The following LYST variants were observed in gnomAD, a reference collection of about 807,000 sequenced individuals.
The protein encoded by LYST is lysosomal-trafficking regulator.
LYST carries 192 observed loss-of-function variants against 413.6 expected under a neutral mutation model. That is an observed-to-expected ratio of 0.46 (90% confidence interval 0.41 to 0.52). The LOEUF (loss-of-function observed/expected upper bound fraction) is 0.52. Among genes scored for constraint, LYST ranks in the 20% least tolerant of loss-of-function variants. The probability of loss-of-function intolerance (pLI) is 0.00; values close to 1 mark genes in which losing one functional copy is unlikely to be tolerated. For synonymous variants in LYST, 1,525 were observed against 1,567.3 expected (o/e 0.97, Z 0.64); for missense variants, 3,815 against 4,499.9 (o/e 0.85, Z 4.35).
chr1:235,806,451 G>A lies in LYST; in HGVS notation c.2685C>T (p.Ile895=), dbSNP rs1672844690. The A allele has an allele frequency of 4.3e-6, 7 of 1,614,012 alleles. No individual in the cohort carries two copies. In the East Asian group the frequency reaches 1.6e-4, roughly 36 times the overall value. The change falls in exon 6 of 53, where the codon ATC becomes ATT. Residue 895 remains isoleucine (I), a synonymous_variant. Transcript: ENST00000389793. ...CACAGAGGAATAGGTTTATTGTGTT[G>A]ATATGAACATCTTGGTTAACAGTCT... ...RRKTVNQDVH[I]NTINLFLCVA...
At position 235,774,859 on chromosome 1, in the gene LYST, G is replaced by A. The variant is rs1047404049; in HGVS notation, c.5634+54C>T. 13 of 1,153,718 alleles carry A rather than the reference G, an allele frequency of 1.1e-5. No individual in the cohort carries two copies. In the African/African-American group the frequency reaches 1.8e-4, roughly 16 times the overall value. The allele number at this position is 1,153,718 out of a possible 1,614,324, so 71.5% of individuals were successfully genotyped here. ...ACTATTATTGGAAGACTTTGATGAC[G>A]AGATGAGTATCACTGCATATGAAAC... On this transcript the variant is annotated intron_variant, in intron 18 of 52. Coordinates refer to ENST00000389793, the MANE Select transcript of LYST (RefSeq NM_000081.4).
Position 235,759,058 on chromosome 1 carries a change from A to T in LYST, c.6795T>A (p.Leu2265=), listed in dbSNP as rs1299031075. The T allele has an allele frequency of 6.2e-7, 1 of 1,614,020 alleles. No individual in the cohort carries two copies. The highest frequency in any genetic ancestry group is 1.7e-5 in the Admixed American group (1 of 59,984). The change falls in exon 23 of 53, where the codon CTT becomes CTA. Residue 2265 remains leucine, a synonymous_variant. Coordinates refer to ENST00000389793, the MANE Select transcript of LYST (RefSeq NM_000081.4). The stretch of plus-strand genomic sequence containing the variant: ...CCCAATCATCAGTGTTTCTATCAAC[A>T]AGACTTGGCCAACGGCCAACAGCTG... ...GSAAVGRWPS[L]VDRNTDDWEN...
intron 31 of LYST, chr1:235,738,149 T>C: frequency 6.2e-7 from 1 of 1,609,230 alleles, no homozygotes; most frequent in South Asian, 1.1e-5. Flanking sequence ...AACTTGCTCT[T>C]GTTGATGTCA....
intron 29 of LYST, among the ~76,000 whole-genome samples, chr1:235,744,736 C>CA (rs1237372263): frequency 1.3e-5 from 2 of 151,372 alleles, no homozygotes; most frequent in African/African-American, 4.9e-5. Flanking sequence ...CCCATCTCTA[C>CA]AAAAAAATAC....
intron 17 of LYST, 130 bp from the exon 18 acceptor site, chr1:235,775,216 C>CT: frequency 1.4e-6 from 1 of 719,088 alleles, no homozygotes; most frequent in Admixed American, 2.2e-5. Context: ...TGCTCATACT[C>CT]TACCTATGTA....
chr1:235,772,663 G>A (rs1220354050), intron 19 of LYST, among the ~76,000 whole-genome samples: 2 of 152,194 alleles, frequency 1.3e-5, no homozygotes, highest in African/African-American at 2.4e-5. Context: ...TACTTACGAT[G>A]AAGCCTTGCC....
intron 15 of LYST, among the ~76,000 whole-genome samples, chr1:235,781,447 A>G (rs1362356941): frequency 6.6e-6 from 1 of 152,116 alleles, no homozygotes; most frequent in Non-Finnish European, 1.5e-5. Flanking sequence ...TAGTCAATAA[A>G]CACTGTCTGA....
intron 27 of LYST, 57 bp from the exon 28 acceptor site, chr1:235,751,419 T>A: frequency 7.1e-7 from 1 of 1,417,480 alleles, no homozygotes; most frequent in South Asian, 1.1e-5. Flanking sequence ...ATTTTTTAAT[T>A]GAACTGATTT....
intron 44 of LYST, among the ~76,000 whole-genome samples, chr1:235,703,482 G>A (rs1661712765): frequency 6.6e-6 from 1 of 152,074 alleles, no homozygotes; most frequent in Admixed American, 6.5e-5. Flanking sequence ...TTTTCTTAGT[G>A]TCATTATCCC....
chr1:235,729,298 T>A (rs1311839206), intron 37 of LYST, among the ~76,000 whole-genome samples: 1 of 152,164 alleles, frequency 6.6e-6, no homozygotes, highest in Non-Finnish European at 1.5e-5. Flanking sequence ...TTTTTCACTT[T>A]AAAAAATCTA....
chr1:235,780,293 A>G (rs1669711938), intron 16 of LYST, among the ~76,000 whole-genome samples: 2 of 151,882 alleles, frequency 1.3e-5, no homozygotes, highest in African/African-American at 4.8e-5. Context: ...AGGCCCGGCC[A>G]CTTGGGAGGC....
At chr1:235,862,293 T>G (rs1679971591) in intron 1 of LYST, among the ~76,000 whole-genome samples, 1 of 152,230 alleles carries the variant, frequency 6.6e-6, no homozygotes, top group South Asian at 2.1e-4. Context: ...TACGGTAGTA[T>G]CCCTTTATCC....
At chr1:235,831,108 A>C (rs571119568) in intron 2 of LYST, among the ~76,000 whole-genome samples, 162 of 152,336 alleles carry the variant, frequency 1.1e-3, no homozygotes, top group Non-Finnish European at 1.6e-3. Context: ...GTTTCAAAAT[A>C]GTTTCATCTC....
Position 235,686,978 on chromosome 1 carries a change from C to T in LYST, c.10771G>A (p.Ala3591Thr), listed in dbSNP as rs769561931. 52 of 1,613,980 alleles carry T rather than the reference C, an allele frequency of 3.2e-5. No homozygotes were observed. The highest frequency in any genetic ancestry group is 4.2e-5 in the Non-Finnish European group (50 of 1,179,998). Residue 3591 changes from alanine (A) to threonine (T), a missense_variant, in exon 48 of 53, where the codon GCC becomes ACC. Physicochemically the swap from Ala to Thr is moderately conservative, Grantham distance 58. Around this residue, in one of 4 missense-constraint regions of LYST, gnomAD observed 866 missense variants for 1,156.0 expected, o/e 0.75. Transcript: ENST00000389793. The surrounding 1 kb of genome is among the most constrained non-coding windows in gnomAD (Gnocchi z 4.0). ...FTGSKCGVITAYTNRFTSSTP... is the reference protein window; with the variant it reads ...FTGSKCGVITTYTNRFTSSTP... Reference sequence around the variant, plus strand: ...CTGCTTGTAAATCTGTTTGTGTAGGCTGTGATGACACCGCATTTGCTTCCA... The same window carrying T: ...CTGCTTGTAAATCTGTTTGTGTAGGTTGTGATGACACCGCATTTGCTTCCA...
chr1:235,771,044 T>C (rs1001977278), intron 19 of LYST, among the ~76,000 whole-genome samples: 2 of 152,208 alleles, frequency 1.3e-5, no homozygotes, highest in African/African-American at 4.8e-5. Flanking sequence ...TTGCAGAGCC[T>C]ATTTCTCCTG....
intron 48 of LYST, among the ~76,000 whole-genome samples, chr1:235,683,103 G>A (rs544648314): frequency 6.6e-6 from 1 of 152,280 alleles, no homozygotes; most frequent in East Asian, 1.9e-4. Context: ...ACAGTTATGG[G>A]TAAACACAAC....
chr1:235,737,958 T>TTAAAAAA, intron 31 of LYST: 6 of 1,280,912 alleles, frequency 4.7e-6, no homozygotes, highest in Admixed American at 7.0e-5. Context: ...CCGCCGGACG[T>TTAAAAAA]GCATTCTCGA....
rs538468965 is a variant in LYST at position 235,851,640 on chromosome 1, T to C, written c.-98+15203A>G. On this transcript the variant is annotated intron_variant, in intron 1 of 52. Coordinates refer to ENST00000389793, the MANE Select transcript of LYST (RefSeq NM_000081.4). ...GACAAAACAAAGTTCATTAGGAATA[T>C]TATTTTTATATATTTACTTTTATTA... Among the ~76,000 whole-genome samples the C allele has an allele frequency of 3.3e-5, 5 of 152,104 alleles. No individual in the cohort carries two copies. In the East Asian group the frequency reaches 9.6e-4, roughly 29 times the overall value.
intron 20 of LYST, among the ~76,000 whole-genome samples, chr1:235,767,496 A>G (rs1294185053): frequency 2.0e-5 from 3 of 152,050 alleles, no homozygotes; most frequent in Non-Finnish European, 4.4e-5. Context: ...AACCATCTGC[A>G]TTTCTTCTAA....
Sources: allele counts gnomAD v4.1 joint callset (sites outside exome capture counted in the v4.1 genomes callset), GRCh38; gene constraint gnomAD v4.1.1; regional missense constraint gnomAD v4.1.1; non-coding constraint Gnocchi (gnomAD v3.1); transcripts MANE v1.5; gene names NCBI Gene and HGNC (gene_info 2026-07-23, HGNC 2026-07-21).